The following IL16 variants were observed in gnomAD, a reference collection of about 807,000 sequenced individuals.
IL16 encodes the protein interleukin 16.
In IL16, 67 loss-of-function variants were observed where a neutral mutation model predicts 110.1. The observed-to-expected ratio is 0.61, with a 90% CI of 0.50 to 0.75. The LOEUF is 0.75. Ranked by LOEUF, IL16 falls within the 30% of genes least tolerant of loss-of-function variation. The pLI is 0.00. For missense variants in IL16, 1,545 were observed against 1,655.0 expected (o/e 0.93, Z 1.15); for synonymous variants, 689 against 662.9 (o/e 1.04, Z -0.61).
chr15:81,302,615 AC>A (rs1900344231), intron 15 of IL16, among the ~76,000 whole-genome samples: 1 of 152,166 alleles, frequency 6.6e-6, no homozygotes, highest in Admixed American at 6.5e-5. Flanking sequence ...TGCTCTAGTG[AC>A]GCTGAGCAAG....
chr15:81,207,623 G>T (rs1166096244), intron 1 of IL16, among the ~76,000 whole-genome samples: 1 of 151,366 alleles, frequency 6.6e-6, no homozygotes, highest in Non-Finnish European at 1.5e-5. Flanking sequence ...TGAAGTATTC[G>T]GTTTTTTGTT....
At chr15:81,295,294 G>A (rs998503064) in intron 12 of IL16, 10 of 1,021,836 alleles carry the variant, frequency 9.8e-6, no homozygotes, top group African/African-American at 1.7e-5. Flanking sequence ...GGAAACACTA[G>A]TAAGAGAAAA....
chr15:81,301,729 C>A (rs1900297187), intron 15 of IL16, among the ~76,000 whole-genome samples: 1 of 152,184 alleles, frequency 6.6e-6, no homozygotes, highest in Non-Finnish European at 1.5e-5. Context: ...AGATTGACTT[C>A]TTGCATCTTC....
rs1351388213 is a variant in IL16 at position 81,313,221 on chromosome 15, TC to T, written c.*4424del. On this transcript the variant is annotated 3_prime_UTR_variant, in exon 19 of 19. Transcript: ENST00000683961. The stretch of plus-strand genomic sequence containing the variant: ...CCAACAGCTGGAGCTCCTCGATGAG[TC>T]ACGGGAGTTCTTTGCCAAGAAGTAA... 1.3e-6 allele frequency: 2 copies of T among 1,502,364 alleles called. No homozygotes were observed. The highest frequency in any genetic ancestry group is 2.6e-5 in the East Asian group (1 of 38,534). 93.1% of individuals were successfully genotyped at this position (1,502,364 alleles called of 1,614,324 possible).
chr15:81,189,144 G>C (rs558946776), intron 1 of IL16, among the ~76,000 whole-genome samples: 1 of 140,710 alleles, frequency 7.1e-6, no homozygotes, highest in East Asian at 2.1e-4. Flanking sequence ...TTTTTTTTGA[G>C]ACGGAGTCTC....
chr15:81,283,832 C>G (rs779083918), intron 9 of IL16, among the ~76,000 whole-genome samples: 2 of 151,770 alleles, frequency 1.3e-5, no homozygotes, highest in Non-Finnish European at 2.9e-5. Flanking sequence ...ATGGCAAAAC[C>G]CATCTCTACT....
chr15:81,285,870 T>C, intron 10 of IL16, 40 bp downstream of exon 10: 1 of 1,607,358 alleles, frequency 6.2e-7, no homozygotes, highest in East Asian at 2.2e-5. Context: ...TCAGGCTCAC[T>C]CGTTCAGTAC....
In IL16 at chr15:81,292,947, C is replaced by T. The variant is rs768633222; in HGVS notation, c.1812C>T (p.Tyr604=). 2 of 1,614,194 alleles carry T rather than the reference C, an allele frequency of 1.2e-6. No homozygotes were observed. Among genetic ancestry groups the T allele is most frequent in the Admixed American group, 1.7e-5 (1 of 60,030 alleles). The part of the protein sequence containing the change: ...SSKPKPPPRK[Y]FKSDSDPQKS... ...AGCCCAAGCCTCCACCCAGAAAATACTTTAAAAGTGACAGTGACCCTCAGA... is the reference window on the plus strand; with the variant it reads ...AGCCCAAGCCTCCACCCAGAAAATATTTTAAAAGTGACAGTGACCCTCAGA... The change falls in exon 12 of 19, where the codon TAC becomes TAT. Residue 604 remains tyrosine, a synonymous_variant. Coordinates refer to ENST00000683961, the MANE Select transcript of IL16 (RefSeq NM_172217.5).
Position 81,306,105 on chromosome 15 carries a change from C to T in IL16, c.3618C>T (p.Leu1206=). ...TGACTCCAGAGGCCATGCCCGACCT[C>T]AACTCCTCCACTGACTCTGCAGCCT... is the stretch of plus-strand genomic sequence containing the variant. ...RKLTPEAMPD[L]NSSTDSAASA... Residue 1206 remains leucine (L), a synonymous_variant, in exon 17 of 19, where the codon CTC becomes CTT. Transcript: ENST00000683961. 6.2e-7 allele frequency: 1 copy of T among 1,614,196 alleles called. No individual in the cohort carries two copies. The highest frequency in any genetic ancestry group is 8.5e-7 in the Non-Finnish European group (1 of 1,180,048).
intron 2 of IL16, among the ~76,000 whole-genome samples, chr15:81,252,940 TG>T (rs1033604525): frequency 1.3e-5 from 2 of 152,218 alleles, no homozygotes; most frequent in Non-Finnish European, 2.9e-5. Flanking sequence ...TGAACTTTTT[TG>T]TACAAGTTTT....
In IL16 at chr15:81,312,270, C is replaced by T. The variant is rs1193624874; in HGVS notation, c.*3472C>T. 6.6e-6 allele frequency: 1 copy of T among 152,262 alleles called. No homozygotes were observed. The highest frequency in any genetic ancestry group is 1.5e-5 in the Non-Finnish European group (1 of 68,072). The allele number at this position is 152,262 out of a possible 1,614,324, so 9.4% of individuals were successfully genotyped here. A position where few individuals can be genotyped will look rare whatever the true frequency, so the allele number is the denominator to read the frequency against. ...GGTTCTGATGATGTGCCTGGGTGGA[C>T]ATGGCCCCTGTGAGTTTGTACAGTC... On this transcript the variant is annotated 3_prime_UTR_variant, in exon 19 of 19. Coordinates refer to ENST00000683961, the MANE Select transcript of IL16 (RefSeq NM_172217.5).
chr15:81,292,920 C>T lies in IL16; in HGVS notation c.1785C>T (p.Ser595=). 1 of 1,614,212 alleles carries T rather than the reference C, an allele frequency of 6.2e-7. No homozygotes were observed. The highest frequency in any genetic ancestry group is 1.7e-5 in the Admixed American group (1 of 60,030). ...FEILVRKPMS[S]KPKPPPRKYF... is the part of the protein sequence containing the mutation. ...TTTTGGTGAGAAAGCCTATGTCCTC[C>T]AAGCCCAAGCCTCCACCCAGAAAAT... is the stretch of plus-strand genomic sequence containing the variant. Residue 595 remains serine, a synonymous_variant, in exon 12 of 19, where the codon TCC becomes TCT. Transcript: ENST00000683961.
chr15:81,299,355 C>T, intron 13 of IL16, 25 bp from the exon 14 acceptor site: 2 of 1,608,308 alleles, frequency 1.2e-6, no homozygotes, highest in African/African-American at 1.3e-5. Flanking sequence ...TAATGCACAG[C>T]TTTGGCCTTG....
chr15:81,235,075 GC>G lies in IL16; in HGVS notation c.312+9369del, dbSNP rs1318728900. Among the ~76,000 whole-genome samples the G allele has an allele frequency of 2.0e-5, 3 of 152,162 alleles. No homozygotes were observed. The East Asian group carries it at 5.8e-4, about 29-fold the overall frequency. ...GAACACCTGTAGTTCTCTAATCACT[GC>G]CCCCATGCCCAGTAAACAGCTACCC... On this transcript the variant is annotated intron_variant, in intron 2 of 18. Coordinates refer to ENST00000683961, the MANE Select transcript of IL16 (RefSeq NM_172217.5).
upstream of IL16, among the ~76,000 whole-genome samples, chr15:81,193,690 G>A (rs1030439733): frequency 3.3e-5 from 5 of 152,012 alleles, no homozygotes; most frequent in African/African-American, 1.2e-4. Context: ...GAAGAGAGCC[G>A]GGGAGCGGGA....
intron 11 of IL16, among the ~76,000 whole-genome samples, chr15:81,291,217 G>A (rs1899703181): frequency 6.6e-6 from 1 of 152,156 alleles, no homozygotes; most frequent in African/African-American, 2.4e-5. Context: ...AAATGATCTG[G>A]GGAAATGTTC....
intron 3 of IL16, among the ~76,000 whole-genome samples, chr15:81,262,769 T>C (rs991921796): frequency 2.0e-5 from 3 of 152,072 alleles, no homozygotes; most frequent in African/African-American, 7.2e-5. Flanking sequence ...CTGTCTCTAC[T>C]AAAAATACAA....
At chr15:81,235,971 T>C (rs1423714940) in intron 2 of IL16, among the ~76,000 whole-genome samples, 1 of 152,220 alleles carries the variant, frequency 6.6e-6, no homozygotes, top group Non-Finnish European at 1.5e-5. Flanking sequence ...TGAGACCGAA[T>C]GTGTGGGAGG....
chr15:81,226,809 C>CCCAGGCTG (rs1441557825), intron 2 of IL16, among the ~76,000 whole-genome samples: 2 of 152,068 alleles, frequency 1.3e-5, no homozygotes, highest in Non-Finnish European at 2.9e-5. Context: ...TCGCCAGGCT[C>CCCAGGCTG]CCAGGCTGCC....
Sources: allele counts gnomAD v4.1 joint callset (sites outside exome capture counted in the v4.1 genomes callset), GRCh38; gene constraint gnomAD v4.1.1; transcripts MANE v1.5; gene names NCBI Gene and HGNC (gene_info 2026-07-23, HGNC 2026-07-21).